Variants in DIAPH2 observed in about 807,000 individuals in gnomAD.
DIAPH2 encodes protein diaphanous homolog 2.
Under a neutral mutation model 92.7 loss-of-function variants are expected in DIAPH2, and 35 were observed. The observed-to-expected ratio is 0.38, with a 90% CI of 0.29 to 0.50. The LOEUF (loss-of-function observed/expected upper bound fraction) is 0.50. DIAPH2 is among the 20% of genes least tolerant of loss of function. DIAPH2 has a pLI of 0.94. For synonymous variants in DIAPH2, 301 were observed against 280.4 expected (o/e 1.07, Z -0.73); for missense variants, 701 against 819.5 (o/e 0.86, Z 1.77).
At chrX:96,899,640 G>T (rs895581475) in intron 5 of DIAPH2, among the ~76,000 whole-genome samples, 1 of 111,037 alleles carries the variant, frequency 9.0e-6, no homozygotes. Flanking sequence ...GAGACAATGG[G>T]GTTTTCTAGA....
intron 17 of DIAPH2, among the ~76,000 whole-genome samples, chrX:97,028,285 T>G (rs2066348744): frequency 9.0e-6 from 1 of 111,426 alleles, no homozygotes; most frequent in Non-Finnish European, 1.9e-5. Context: ...CCCATGTTTG[T>G]TACTCTACTG....
intron 4 of DIAPH2, among the ~76,000 whole-genome samples, chrX:96,794,937 C>T (rs1265487203): frequency 8.9e-6 from 1 of 111,883 alleles, no homozygotes; most frequent in Non-Finnish European, 1.9e-5. Context: ...CTTCCAAATT[C>T]GTGTCATCTT....
chrX:96,942,791 C>A (rs1299737934), intron 13 of DIAPH2, among the ~76,000 whole-genome samples: 1 of 111,176 alleles, frequency 9.0e-6, no homozygotes, highest in African/African-American at 3.3e-5. Flanking sequence ...TGCTATCTAG[C>A]CTTATGGCTA....
At chrX:96,943,732 TC>T (rs1042218372) in intron 13 of DIAPH2, among the ~76,000 whole-genome samples, 9 of 111,199 alleles carry the variant, frequency 8.1e-5, no homozygotes, top group Non-Finnish European at 1.3e-4. Flanking sequence ...CAAGTAGTAT[TC>T]AGTATTCAAC....
At chrX:96,774,853 C>T (rs932889958) in intron 4 of DIAPH2, among the ~76,000 whole-genome samples, 7 of 112,082 alleles carry the variant, frequency 6.2e-5, no homozygotes, top group Non-Finnish European at 1.3e-4. Flanking sequence ...ACACTTTAGA[C>T]ATTTTTAAAT....
At chrX:96,894,254 G>GTTTTTT (rs202232924) in intron 5 of DIAPH2, among the ~76,000 whole-genome samples, 1 of 101,494 alleles carries the variant, frequency 9.9e-6, no homozygotes, top group Non-Finnish European at 2.0e-5. Context: ...TACTGCTACA[G>GTTTTTT]TTTTTTTTTT....
At chrX:97,464,089 T>C (rs1463813001) in intron 26 of DIAPH2, among the ~76,000 whole-genome samples, 2 of 109,166 alleles carry the variant, frequency 1.8e-5, no homozygotes, top group Non-Finnish European at 3.8e-5. Context: ...ATAAGCAACC[T>C]TGTGGACATC....
At chrX:96,974,338 T>C (rs1180302190) in intron 17 of DIAPH2, among the ~76,000 whole-genome samples, 1 of 111,819 alleles carries the variant, frequency 8.9e-6, no homozygotes, top group African/African-American at 3.2e-5. Context: ...AATAGGCTTT[T>C]TGTGGACAGA....
chrX:97,237,532 T>A (rs185046470), intron 22 of DIAPH2, among the ~76,000 whole-genome samples: 1 of 111,258 alleles, frequency 9.0e-6, no homozygotes, highest in Non-Finnish European at 1.9e-5. Flanking sequence ...CATCTTTTAT[T>A]ACAAAACAAC....
intron 4 of DIAPH2, among the ~76,000 whole-genome samples, chrX:96,839,120 A>G (rs2064918748): frequency 9.0e-6 from 1 of 111,710 alleles, no homozygotes; most frequent in African/African-American, 3.2e-5. Context: ...TTATGAGAAA[A>G]AAATGTTAGC....
At chrX:97,151,451 A>G (rs1382292788) in intron 22 of DIAPH2, among the ~76,000 whole-genome samples, 1 of 110,976 alleles carries the variant, frequency 9.0e-6, no homozygotes, top group African/African-American at 3.3e-5. Flanking sequence ...ATGTTATTCT[A>G]AATAATTATT....
intron 26 of DIAPH2, among the ~76,000 whole-genome samples, chrX:97,465,180 G>C (rs970955018): frequency 9.0e-6 from 1 of 110,664 alleles, no homozygotes; most frequent in Non-Finnish European, 1.9e-5. Flanking sequence ...GCACTTCACT[G>C]TATACCAGGG....
chrX:97,446,723 T>G (rs1282708760), intron 26 of DIAPH2, among the ~76,000 whole-genome samples: 2 of 110,899 alleles, frequency 1.8e-5, no homozygotes, highest in African/African-American at 6.6e-5. Flanking sequence ...TGATTGATTG[T>G]GTGTGGTTTT....
intron 22 of DIAPH2, among the ~76,000 whole-genome samples, chrX:97,176,227 A>T (rs1316648988): frequency 8.9e-6 from 1 of 112,362 alleles, no homozygotes; most frequent in Non-Finnish European, 1.9e-5. Flanking sequence ...TAAATGCCTT[A>T]GTTACAGATA....
intron 19 of DIAPH2, among the ~76,000 whole-genome samples, chrX:97,080,492 T>C (rs2147342694): frequency 1.5e-5 from 1 of 64,792 alleles, no homozygotes; most frequent in Admixed American, 2.6e-4. Context: ...CCACCAATAA[T>C]TTCTACATAT....
chrX:97,172,309 C>G (rs981157195), intron 22 of DIAPH2, among the ~76,000 whole-genome samples: 2 of 111,834 alleles, frequency 1.8e-5, no homozygotes, highest in African/African-American at 6.5e-5. Flanking sequence ...TGTGATAAAT[C>G]AATTGCGAAC....
At chrX:96,867,661 C>T (rs1292444561) in intron 4 of DIAPH2, among the ~76,000 whole-genome samples, 7 of 111,712 alleles carry the variant, frequency 6.3e-5, no homozygotes, top group African/African-American at 2.3e-4. Flanking sequence ...CCTATACATG[C>T]ATCACTGCTA....
At chrX:96,922,912 A>G (rs1169702636) in intron 9 of DIAPH2, among the ~76,000 whole-genome samples, 1 of 111,616 alleles carries the variant, frequency 9.0e-6, no homozygotes, top group African/African-American at 3.3e-5. Context: ...TTTTTCATAA[A>G]TTATCTTTGC....
At chrX:96,900,096 C>T (rs758250507) in intron 5 of DIAPH2, among the ~76,000 whole-genome samples, 1 of 112,138 alleles carries the variant, frequency 8.9e-6, no homozygotes, top group South Asian at 3.7e-4. Context: ...TGGTTCTACC[C>T]TTCCATGAGC....
Sources: allele counts gnomAD v4.1 joint callset (sites outside exome capture counted in the v4.1 genomes callset), GRCh38; gene constraint gnomAD v4.1.1; transcripts MANE v1.5; gene names NCBI Gene and HGNC (gene_info 2026-07-23, HGNC 2026-07-21).